RIMS2: variants seen among roughly 807,000 people sequenced by gnomAD.
RIMS2 encodes the protein regulating synaptic membrane exocytosis 2.
RIMS2 carries 59 observed loss-of-function variants against 174.4 expected under a neutral mutation model. The observed-to-expected ratio is 0.34, with a 90% CI of 0.27 to 0.42. RIMS2 has a LOEUF of 0.42. RIMS2 is among the 10% of genes least tolerant of loss of function. The probability of loss-of-function intolerance (pLI) is 1.00; values close to 1 mark genes in which losing one functional copy is unlikely to be tolerated. For synonymous variants in RIMS2, 606 were observed against 572.5 expected, an observed-to-expected ratio of 1.06 and a Z score of -0.84; for missense variants, 1,620 against 1,666.3, an observed-to-expected ratio of 0.97 and a Z score of 0.48.
chr8:103,666,366 G>C (rs1274187443), intron 1 of RIMS2, among the ~76,000 whole-genome samples: 2 of 152,098 alleles, frequency 1.3e-5, no homozygotes, highest in African/African-American at 4.8e-5. Context: ...TTTAGGCTAA[G>C]CCTAATTTAA....
chr8:104,170,892 A>G (rs1485688318), intron 19 of RIMS2, among the ~76,000 whole-genome samples: 3 of 152,100 alleles, frequency 2.0e-5, no homozygotes, highest in Non-Finnish European at 2.9e-5. Context: ...AAAAGACTTT[A>G]TCGCTCCTTC....
intron 19 of RIMS2, among the ~76,000 whole-genome samples, chr8:104,139,764 G>T (rs1259321580): frequency 6.6e-6 from 1 of 151,984 alleles, no homozygotes; most frequent in Admixed American, 6.6e-5. Flanking sequence ...TATTTCTCTT[G>T]TCTGATTGAT....
intron 1 of RIMS2, among the ~76,000 whole-genome samples, chr8:103,552,873 A>G (rs1848666286): frequency 6.6e-6 from 1 of 152,226 alleles, no homozygotes. Context: ...CATCAGAGAA[A>G]TGCAAATCAA....
intron 3 of RIMS2, among the ~76,000 whole-genome samples, chr8:103,794,604 G>T (rs1417036132): frequency 6.6e-6 from 1 of 152,132 alleles, no homozygotes; most frequent in African/African-American, 2.4e-5. Context: ...AAACTAAAGA[G>T]CTTCTGCACA....
intron 3 of RIMS2, among the ~76,000 whole-genome samples, chr8:103,880,212 A>T (rs1318243156): frequency 2.0e-5 from 3 of 151,676 alleles, no homozygotes; most frequent in Non-Finnish European, 4.4e-5. Flanking sequence ...TATTTTAGAA[A>T]TACTGCAATT....
intron 17 of RIMS2, among the ~76,000 whole-genome samples, chr8:103,990,931 G>A (rs184373237): frequency 7.6e-4 from 115 of 151,960 alleles, no homozygotes; most frequent in African/African-American, 2.6e-3. Flanking sequence ...TTGCTATCAT[G>A]TCAAATGCAT....
At chr8:103,986,362 G>A (rs2094362649) in intron 16 of RIMS2, among the ~76,000 whole-genome samples, 1 of 151,910 alleles carries the variant, frequency 6.6e-6, no homozygotes, top group African/African-American at 2.4e-5. Flanking sequence ...ACAAAATGAG[G>A]CACAGACAGT....
At chr8:104,115,208 T>G (rs1052847444) in intron 19 of RIMS2, among the ~76,000 whole-genome samples, 4 of 152,126 alleles carry the variant, frequency 2.6e-5, no homozygotes, top group African/African-American at 9.7e-5. Flanking sequence ...TTTTTAAATT[T>G]CAGAAATAGT....
chr8:104,071,275 T>C (rs1411304355), intron 19 of RIMS2, among the ~76,000 whole-genome samples: 1 of 152,192 alleles, frequency 6.6e-6, no homozygotes, highest in Non-Finnish European at 1.5e-5. Context: ...AAAATAAATA[T>C]TGGTAAAAAT....
chr8:104,202,202 G>C (rs937990940), intron 19 of RIMS2, among the ~76,000 whole-genome samples: 7 of 152,122 alleles, frequency 4.6e-5, no homozygotes, highest in Non-Finnish European at 7.4e-5. Context: ...CTGAAAGCAT[G>C]ATACTCAGAA....
At position 103,552,806 on chromosome 8, in the gene RIMS2, A is replaced by T. The variant is rs186254722; in HGVS notation, c.176+51744A>T. ...CAAAGGATATGAACAGACACTTCTCAAAAGAAGACATTTATGCAGCCAAAA... is the reference window on the plus strand; with the variant it reads ...CAAAGGATATGAACAGACACTTCTCTAAAGAAGACATTTATGCAGCCAAAA... On this transcript the variant is annotated intron_variant, in intron 1 of 23. Coordinates refer to ENST00000504942, the Ensembl canonical transcript of RIMS2. Among the ~76,000 whole-genome samples the T allele has an allele frequency of 6.1e-3, 926 of 152,368 alleles. 7 individuals carry two copies. Among genetic ancestry groups the T allele is most frequent in the African/African-American group, 0.021 (859 of 41,588 alleles).
intron 1 of RIMS2, among the ~76,000 whole-genome samples, chr8:103,561,200 A>T (rs1005026397): frequency 3.3e-5 from 5 of 152,050 alleles, no homozygotes; most frequent in Non-Finnish European, 7.4e-5. Context: ...ATTTATATTT[A>T]AGAATAACAA....
intron 20 of RIMS2, among the ~76,000 whole-genome samples, chr8:104,247,390 G>A (rs574533218): frequency 6.6e-6 from 1 of 152,138 alleles, no homozygotes; most frequent in African/African-American, 2.4e-5. Context: ...CATTTTCTCT[G>A]TGCTTATCTA....
At chr8:103,956,046 G>A (rs907273434) in intron 14 of RIMS2, among the ~76,000 whole-genome samples, 7 of 152,080 alleles carry the variant, frequency 4.6e-5, no homozygotes, top group African/African-American at 1.7e-4. Context: ...AACTTACAAG[G>A]GATGTGAAGG....
At chr8:103,819,854 A>G (rs1299310216) in intron 3 of RIMS2, among the ~76,000 whole-genome samples, 3 of 152,118 alleles carry the variant, frequency 2.0e-5, no homozygotes, top group Non-Finnish European at 4.4e-5. Flanking sequence ...GACCTCTGAA[A>G]CGTAATACAG....
chr8:103,755,705 C>T (rs1324484479), intron 2 of RIMS2, among the ~76,000 whole-genome samples: 2 of 152,064 alleles, frequency 1.3e-5, no homozygotes, highest in African/African-American at 2.4e-5. Context: ...CTTTCTTCCA[C>T]TTGATCAATT....
chr8:104,232,222 T>C (rs552996591), intron 19 of RIMS2, among the ~76,000 whole-genome samples: 32 of 152,338 alleles, frequency 2.1e-4, no homozygotes, highest in African/African-American at 6.7e-4. Context: ...GTTGTTATTG[T>C]GGAATGAAAA....
At chr8:103,783,027 C>T (rs562924334) in intron 3 of RIMS2, among the ~76,000 whole-genome samples, 7 of 152,254 alleles carry the variant, frequency 4.6e-5, no homozygotes, top group Admixed American at 2.6e-4. Flanking sequence ...GCTGGGTCTT[C>T]CCCTTAGGAT....
intron 19 of RIMS2, among the ~76,000 whole-genome samples, chr8:104,215,679 T>G (rs2099126686): frequency 6.6e-6 from 1 of 152,228 alleles, no homozygotes; most frequent in African/African-American, 2.4e-5. Context: ...CTCAAGTGTT[T>G]GAGGATATTC....
Sources: allele counts gnomAD v4.1 joint callset (sites outside exome capture counted in the v4.1 genomes callset), GRCh38; gene constraint gnomAD v4.1.1; transcripts MANE v1.5; gene names NCBI Gene and HGNC (gene_info 2026-07-23, HGNC 2026-07-21).